Variants in SETD4 observed in about 807,000 individuals in gnomAD.
SETD4 encodes the protein SET domain containing 4.
A neutral mutation model predicts 58.3 loss-of-function variants in SETD4; 46 were observed. The observed-to-expected ratio is 0.79, with a 90% CI of 0.62 to 1.01. The LOEUF is 1.01. SETD4 is among the 50% of genes least tolerant of loss of function. SETD4 has a pLI of 0.00. For synonymous variants in SETD4, 190 were observed against 202.6 expected (o/e 0.94, Z 0.53); for missense variants, 490 against 523.3 (o/e 0.94, Z 0.62).
intron 4 of SETD4, chr21:36,051,315 C>A (rs2064672834): frequency 6.3e-7 from 1 of 1,589,590 alleles, no homozygotes; most frequent in African/African-American, 1.3e-5. Context: ...CACCAAACTC[C>A]CAGGGTGACT....
intron 8 of SETD4, 55 bp from the exon 9 acceptor site, chr21:36,040,710 C>T (rs146625131): frequency 4.0e-6 from 6 of 1,485,328 alleles, no homozygotes; most frequent in East Asian, 2.3e-5. Context: ...TTCATGACCT[C>T]ATAGCAAATG....
intron 6 of SETD4, among the ~76,000 whole-genome samples, chr21:36,044,948 C>T (rs1221649968): frequency 6.6e-6 from 1 of 152,240 alleles, no homozygotes; most frequent in Non-Finnish European, 1.5e-5. Context: ...AAATGAGCCA[C>T]CTGGGGAAAG....
chr21:36,040,693 T>G (rs1246808953), intron 8 of SETD4, 38 bp from the exon 9 acceptor site: 3 of 1,566,246 alleles, frequency 1.9e-6, no homozygotes, highest in Non-Finnish European at 2.6e-6. Flanking sequence ...ATCCATCATT[T>G]CAGTATTTCA....
chr21:36,053,554 G>C (rs2064823413), intron 4 of SETD4, 29 bp downstream of exon 4: 1 of 1,612,842 alleles, frequency 6.2e-7, no homozygotes, highest in East Asian at 2.2e-5. Flanking sequence ...ATCTACATTG[G>C]GTTTCAAGGA....
In SETD4 at chr21:36,043,869, A is replaced by C; in HGVS notation, c.814T>G (p.Tyr272Asp). The C allele has an allele frequency of 6.2e-7, 1 of 1,614,234 alleles. No homozygotes were observed. The highest frequency in any genetic ancestry group is 8.5e-7 in the Non-Finnish European group (1 of 1,180,046). Residue 272 changes from tyrosine (Y) to aspartate (D), a missense_variant, in exon 7 of 12, where the codon TAC becomes GAC. Transcript: ENST00000332131. The stretch of plus-strand genomic sequence containing the variant: ...AGCCGTTGATTATCGTGAGGGCCGT[A>C]ACAGATGAATACCTCTTCATGCTTT... ...WRKHEEVFIC[Y>D]GPHDNQRLFL... is the part of the protein sequence containing the mutation.
At chr21:36,051,856 A>G (rs1349967942) in intron 4 of SETD4, among the ~76,000 whole-genome samples, 1 of 152,172 alleles carries the variant, frequency 6.6e-6, no homozygotes. Context: ...TTCCTTATTA[A>G]CTAGCAGCTT....
intron 7 of SETD4, chr21:36,042,711 C>T (rs1274406135): frequency 1.3e-5 from 2 of 152,080 alleles, no homozygotes; most frequent in Non-Finnish European, 2.9e-5. Flanking sequence ...TGCTTCTCTA[C>T]AGTTTCAGAA....
chr21:36,057,284 G>A, intron 2 of SETD4, 80 bp from the exon 3 acceptor site: 1 of 1,046,508 alleles, frequency 9.6e-7, no homozygotes, highest in Non-Finnish European at 1.5e-6. Context: ...CATGTCTGAT[G>A]AAATGTGTCA....
chr21:36,057,891 CA>C (rs945548278), intron 2 of SETD4, among the ~76,000 whole-genome samples: 18 of 146,878 alleles, frequency 1.2e-4, no homozygotes, highest in African/African-American at 2.0e-4. Context: ...CCTCCATCAG[CA>C]AAAAAAAAAG....
At chr21:36,060,218 G>A in intron 1 of SETD4, 129 bp downstream of exon 1, 1 of 739,224 alleles carries the variant, frequency 1.4e-6, no homozygotes, top group Non-Finnish European at 1.7e-6. Context: ...GCCTGCCCTG[G>A]AGGGGACCTG....
Position 36,059,620 on chromosome 21 carries a change from G to A in SETD4, c.-36-696C>T, listed in dbSNP as rs561422640. ...GGAGAATCGCTTGATCTCAGGAGGC[G>A]GAAGCTGCAGCTAGACGAGATCACG... is the stretch of plus-strand genomic sequence containing the variant. On this transcript the variant is annotated intron_variant, in intron 1 of 11. Transcript: ENST00000332131. The A allele has an allele frequency of 7.7e-5, 41 of 531,084 alleles. 1 individual carries two copies. The South Asian group carries it at 3.0e-3, about 39-fold the overall frequency. The allele number at this position is 531,084 out of a possible 1,614,324, so 32.9% of individuals were successfully genotyped here.
chr21:36,045,326 G>A (rs1448239456), intron 6 of SETD4, among the ~76,000 whole-genome samples: 2 of 152,230 alleles, frequency 1.3e-5, no homozygotes, highest in African/African-American at 2.4e-5. Context: ...GGGAAAGACC[G>A]GACAGAGGAT....
chr21:36,053,217 C>G lies in SETD4; in HGVS notation c.207+366G>C, dbSNP rs80133872. The G allele has an allele frequency of 4.2e-3, 1,149 of 274,018 alleles. 8 individuals carry two copies. The highest frequency in any genetic ancestry group is 0.023 in the African/African-American group (1,049 of 44,966). The allele number at this position is 274,018 out of a possible 1,614,324, so 17.0% of individuals were successfully genotyped here. On this transcript the variant is annotated intron_variant, in intron 4 of 11. Coordinates refer to ENST00000332131, the MANE Select transcript of SETD4 (RefSeq NM_017438.5). ...CTCACCCGCTTGCTCTCTCCTGATG[C>G]CCAAGTTCCAAGACCCACAACCTGA... is the stretch of plus-strand genomic sequence containing the variant.
At chr21:36,041,515 C>T (rs935880985) in intron 8 of SETD4, among the ~76,000 whole-genome samples, 3 of 152,206 alleles carry the variant, frequency 2.0e-5, no homozygotes, top group African/African-American at 4.8e-5. Flanking sequence ...ACAAGGGAGA[C>T]AGACTCACCC....
Position 36,058,925 on chromosome 21 carries a change from C to A in SETD4, c.-36-1G>T, listed in dbSNP as rs1314089814. 6.5e-7 allele frequency: 1 copy of A among 1,547,406 alleles called. No individual in the cohort carries two copies. The highest frequency in any genetic ancestry group is 2.2e-5 in the Admixed American group (1 of 45,310). On this transcript the variant is annotated splice_acceptor_variant, in intron 1 of 11. Transcript: ENST00000332131. LOFTEE classifies it low-confidence loss of function (5UTR_SPLICE). ...AGTTTCTTTTTTCTGAAATACAGTT[C>A]TATTTTTTCAAAAAGGACAAAACTG...
At chr21:36,057,480 T>TAAAAA in intron 2 of SETD4, 2 of 533,020 alleles carry the variant, frequency 3.8e-6, no homozygotes, top group African/African-American at 2.0e-5. Context: ...CCCCATCTCT[T>TAAAAA]AAAAAAAAAA....
In SETD4 at chr21:36,035,800, A is replaced by C. The variant is rs1197919477; in HGVS notation, c.*193T>G. ...CTCTCTCCTCACAGTTCAGCACTTTATTCGGAAGAGCATTAGACCTGCCAT... is the reference window on the plus strand; with the variant it reads ...CTCTCTCCTCACAGTTCAGCACTTTCTTCGGAAGAGCATTAGACCTGCCAT... On this transcript the variant is annotated 3_prime_UTR_variant, in exon 12 of 12. Transcript: ENST00000332131. 2.8e-6 allele frequency: 1 copy of C among 355,222 alleles called. No homozygotes were observed. The highest frequency in any genetic ancestry group is 5.2e-6 in the Non-Finnish European group (1 of 191,622). The allele number at this position is 355,222 out of a possible 1,614,324, so 22.0% of individuals were successfully genotyped here. A position where few individuals can be genotyped will look rare whatever the true frequency, so the allele number is the denominator to read the frequency against.
intron 6 of SETD4, among the ~76,000 whole-genome samples, chr21:36,044,708 A>G (rs189553209): frequency 9.8e-5 from 15 of 152,312 alleles, no homozygotes; most frequent in Non-Finnish European, 1.9e-4. Context: ...AACCTCCCTA[A>G]GCTCTGATCT....
At chr21:36,036,007 T>C (rs544311840) in intron 11 of SETD4, 47 bp from the exon 12 acceptor site, 3 of 1,352,430 alleles carry the variant, frequency 2.2e-6, no homozygotes, top group East Asian at 2.3e-5. Context: ...AATTGTTGAG[T>C]AGACACAACT....
Sources: allele counts gnomAD v4.1 joint callset (sites outside exome capture counted in the v4.1 genomes callset), GRCh38; gene constraint gnomAD v4.1.1; transcripts MANE v1.5; gene names NCBI Gene and HGNC (gene_info 2026-07-23, HGNC 2026-07-21).